NKAIN2: variants seen among roughly 807,000 people sequenced by gnomAD.
NKAIN2 encodes the protein sodium/potassium transporting ATPase interacting 2, also known as sodium/potassium-transporting ATPase subunit beta-1-interacting protein 2.
NKAIN2 carries 14 observed loss-of-function variants against 32.6 expected under a neutral mutation model. That is an observed-to-expected ratio of 0.43 (90% CI 0.28 to 0.67). NKAIN2 has a LOEUF of 0.67. Among genes scored for constraint, NKAIN2 ranks in the 30% least tolerant of loss-of-function variants. NKAIN2 has a pLI of 0.17. For missense variants in NKAIN2, 198 were observed against 258.3 expected, an observed-to-expected ratio of 0.77 and a Z score of 1.60; for synonymous variants, 80 against 87.2, an observed-to-expected ratio of 0.92 and a Z score of 0.46.
intron 3 of NKAIN2, among the ~76,000 whole-genome samples, chr6:124,508,141 T>G (rs979569092): frequency 6.6e-6 from 1 of 150,954 alleles, no homozygotes; most frequent in Admixed American, 6.6e-5. Flanking sequence ...CCTGTAGTCC[T>G]AGCTACTAGA....
At position 124,824,866 on chromosome 6, in the gene NKAIN2, T is replaced by A. The variant is rs1781525979; in HGVS notation, c.*1637T>A. On this transcript the variant is annotated 3_prime_UTR_variant, in exon 7 of 7. Transcript: ENST00000368417. ...TTCCATTACTGTGTTTGCATGGATG[T>A]CTGTAATATACACACACATATACAT... 2.0e-5 allele frequency: 3 copies of A among 152,256 alleles called. No individual in the cohort carries two copies. The highest frequency in any genetic ancestry group is 6.5e-5 in the Admixed American group (1 of 15,270). 9.4% of individuals were successfully genotyped at this position (152,256 alleles called of 1,614,324 possible). A position where few individuals can be genotyped will look rare whatever the true frequency, so the allele number is the denominator to read the frequency against.
At chr6:124,223,382 G>A (rs1791938261) in intron 1 of NKAIN2, among the ~76,000 whole-genome samples, 1 of 152,038 alleles carries the variant, frequency 6.6e-6, no homozygotes, top group Admixed American at 6.6e-5. Flanking sequence ...GATGATGCCG[G>A]GAAGAGGGGA....
At chr6:124,711,098 T>C (rs1184155815) in intron 4 of NKAIN2, among the ~76,000 whole-genome samples, 1 of 143,456 alleles carries the variant, frequency 7.0e-6, no homozygotes, top group South Asian at 2.3e-4. Context: ...GAAGCTTAGT[T>C]TGGCTGGATA....
At chr6:123,917,888 G>A (rs987682533) in intron 1 of NKAIN2, among the ~76,000 whole-genome samples, 1 of 152,042 alleles carries the variant, frequency 6.6e-6, no homozygotes, top group Admixed American at 6.6e-5. Context: ...TTGTGGAGCC[G>A]CTGGACCAGC....
At chr6:124,198,613 G>T (rs936888439) in intron 1 of NKAIN2, among the ~76,000 whole-genome samples, 1 of 151,558 alleles carries the variant, frequency 6.6e-6, no homozygotes, top group Non-Finnish European at 1.5e-5. Context: ...TTCCTCAGCC[G>T]TGGTATATCT....
In NKAIN2 at chr6:124,478,667, T is replaced by G. The variant is rs569013511; in HGVS notation, c.273+123320T>G. 3.9e-5 allele frequency among the ~76,000 whole-genome samples: 6 copies of G among 152,352 alleles called. 1 individual carries two copies. The South Asian group carries it at 1.0e-3, about 26-fold the overall frequency. Reference sequence around the variant, plus strand: ...GAGGTATAAAGTAAATATCTCTAAGTCTATTCTGATATAAGTAAATGATTG... The same window carrying G: ...GAGGTATAAAGTAAATATCTCTAAGGCTATTCTGATATAAGTAAATGATTG... On this transcript the variant is annotated intron_variant, in intron 3 of 6. Transcript: ENST00000368417.
chr6:124,686,828 G>A (rs375269047), intron 4 of NKAIN2, among the ~76,000 whole-genome samples: 1 of 152,136 alleles, frequency 6.6e-6, no homozygotes, highest in South Asian at 2.1e-4. Context: ...GTCTGTGAGG[G>A]TGATGCCAAA....
At chr6:124,126,133 T>C (rs1311937425) in intron 1 of NKAIN2, among the ~76,000 whole-genome samples, 1 of 152,188 alleles carries the variant, frequency 6.6e-6, no homozygotes, top group East Asian at 1.9e-4. Flanking sequence ...GATCATTTCC[T>C]GCAACCACTC....
At chr6:124,012,080 A>G (rs73559100) in intron 1 of NKAIN2, among the ~76,000 whole-genome samples, 3,085 of 152,084 alleles carry the variant, frequency 0.02, 109 homozygotes, top group African/African-American at 0.069. Flanking sequence ...TAAAATGCAT[A>G]TAATTAAAGT....
chr6:124,562,914 T>A (rs1780751976), intron 3 of NKAIN2, among the ~76,000 whole-genome samples: 1 of 150,706 alleles, frequency 6.6e-6, no homozygotes, highest in Admixed American at 6.6e-5. Context: ...CTTTTTTTTT[T>A]TTTTTTTTGA....
At chr6:123,896,176 G>T (rs779750006) in intron 1 of NKAIN2, among the ~76,000 whole-genome samples, 51 of 152,322 alleles carry the variant, frequency 3.3e-4, no homozygotes, top group Admixed American at 4.6e-4. Context: ...AATGGAGAAA[G>T]AACTGAGACT....
intron 1 of NKAIN2, among the ~76,000 whole-genome samples, chr6:124,216,137 T>G (rs1294849604): frequency 4.6e-5 from 6 of 131,826 alleles, no homozygotes; most frequent in Non-Finnish European, 8.0e-5. Context: ...AAAAAAAAAA[T>G]AGTCCACAGA....
intron 1 of NKAIN2, among the ~76,000 whole-genome samples, chr6:124,145,990 T>A (rs1005479886): frequency 1.3e-4 from 20 of 152,274 alleles, no homozygotes; most frequent in African/African-American, 4.8e-4. Flanking sequence ...TGTGTGCAAA[T>A]ACACATAAAT....
intron 1 of NKAIN2, among the ~76,000 whole-genome samples, chr6:123,848,438 T>A (rs200575790): frequency 2.0e-5 from 3 of 152,206 alleles, no homozygotes; most frequent in Non-Finnish European, 4.4e-5. Context: ...ATGGTTGTCC[T>A]CATGCTGGTC....
chr6:124,351,925 T>A (rs1284797126), intron 2 of NKAIN2, among the ~76,000 whole-genome samples: 1 of 152,078 alleles, frequency 6.6e-6, no homozygotes, highest in Non-Finnish European at 1.5e-5. Flanking sequence ...CCGACCCTAC[T>A]GCTTATTATT....
rs192251917 is a variant in NKAIN2 at position 124,019,098 on chromosome 6, T to G, written c.54+214844T>G. Among the ~76,000 whole-genome samples the G allele has an allele frequency of 3.9e-5, 6 of 152,164 alleles. No homozygotes were observed. In the East Asian group the frequency reaches 5.8e-4, roughly 15 times the overall value. On this transcript the variant is annotated intron_variant, in intron 1 of 6. Transcript: ENST00000368417. ...CTCCCCTTTATAAAACCATCAGATCTCATGACACTTATTCACTATCATGAG... is the reference window on the plus strand; with the variant it reads ...CTCCCCTTTATAAAACCATCAGATCGCATGACACTTATTCACTATCATGAG...
chr6:124,714,549 G>T (rs982141690), intron 4 of NKAIN2, among the ~76,000 whole-genome samples: 2 of 152,190 alleles, frequency 1.3e-5, no homozygotes, highest in African/African-American at 2.4e-5. Context: ...AACAACATTT[G>T]TGTGTGGCAG....
chr6:124,270,090 G>T (rs2114873852), intron 1 of NKAIN2, among the ~76,000 whole-genome samples: 1 of 152,284 alleles, frequency 6.6e-6, no homozygotes, highest in South Asian at 2.1e-4. Flanking sequence ...ACACCAGCAT[G>T]CAGGTCACTG....
At chr6:124,128,856 C>T (rs115911813) in intron 1 of NKAIN2, among the ~76,000 whole-genome samples, 1,603 of 152,278 alleles carry the variant, frequency 0.011, 35 homozygotes, top group African/African-American at 0.036. Flanking sequence ...ATTCACTTAA[C>T]GTGTGAATGT....
Sources: allele counts gnomAD v4.1 joint callset (sites outside exome capture counted in the v4.1 genomes callset), GRCh38; gene constraint gnomAD v4.1.1; transcripts MANE v1.5; gene names NCBI Gene and HGNC (gene_info 2026-07-23, HGNC 2026-07-21).